Variants in FAM222A observed in about 807,000 individuals in gnomAD.
FAM222A encodes the protein protein FAM222A.
In FAM222A, 7 loss-of-function variants were observed where a neutral mutation model predicts 25.8. The ratio of observed to expected loss-of-function variants is 0.27; its 90% confidence interval spans 0.15 to 0.51. The LOEUF (loss-of-function observed/expected upper bound fraction) is 0.51, where lower values mean the gene tolerates loss of function less well. Ranked by LOEUF, FAM222A falls within the 20% of genes least tolerant of loss-of-function variation. The probability of loss-of-function intolerance (pLI) is 0.97; values close to 1 mark genes in which losing one functional copy is unlikely to be tolerated. For missense variants in FAM222A, 573 were observed against 640.5 expected (o/e 0.89, Z 1.14); for synonymous variants, 294 against 298.8 (o/e 0.98, Z 0.17).
In FAM222A at chr12:109,744,243, T is replaced by A; in HGVS notation, c.82+15T>A. 1 of 1,609,406 alleles carries A rather than the reference T, an allele frequency of 6.2e-7. No homozygotes were observed. The highest frequency in any genetic ancestry group is 1.1e-5 in the South Asian group (1 of 90,536). On this transcript the variant is annotated intron_variant, in intron 2 of 2. Coordinates refer to ENST00000538780, the MANE Select transcript of FAM222A (RefSeq NM_032829.3). ...GCTGCGCAAGTGTGAGTAGGACGCC[T>A]CCCCAGCCTTTGCAGGGCAGGTCGT... is the stretch of plus-strand genomic sequence containing the variant.
chr12:109,746,518 T>A (rs972635856), intron 2 of FAM222A, among the ~76,000 whole-genome samples: 1 of 152,128 alleles, frequency 6.6e-6, no homozygotes, highest in African/African-American at 2.4e-5. Flanking sequence ...GTATGCTCTC[T>A]ATATGACTTA....
At chr12:109,729,690 C>T (rs1011050797) in intron 1 of FAM222A, among the ~76,000 whole-genome samples, 11 of 152,380 alleles carry the variant, frequency 7.2e-5, no homozygotes, top group Non-Finnish European at 1.5e-4. Context: ...GGCTGGGAGA[C>T]GGCGCCGCCA....
chr12:109,720,519 C>T (rs1248869700), intron 1 of FAM222A, among the ~76,000 whole-genome samples: 4 of 152,340 alleles, frequency 2.6e-5, no homozygotes, highest in South Asian at 2.1e-4. Context: ...CCCTGCCCCT[C>T]GGCATCTGCA....
chr12:109,733,910 T>C (rs1424995426), intron 1 of FAM222A, among the ~76,000 whole-genome samples: 5 of 151,936 alleles, frequency 3.3e-5, no homozygotes, highest in Admixed American at 6.5e-5. Flanking sequence ...CCTTCAAGGA[T>C]ATTGTTAGAA....
At chr12:109,725,437 C>G (rs938939906) in intron 1 of FAM222A, among the ~76,000 whole-genome samples, 7 of 150,588 alleles carry the variant, frequency 4.6e-5, no homozygotes, top group Non-Finnish European at 7.4e-5. Flanking sequence ...TCTCCCTCCC[C>G]CTCCCTCCCC....
intron 1 of FAM222A, among the ~76,000 whole-genome samples, chr12:109,728,843 T>A (rs1887888071): frequency 6.6e-6 from 1 of 152,144 alleles, no homozygotes; most frequent in African/African-American, 2.4e-5. Context: ...AAGGATGGAA[T>A]CAAGTGCGGG....
intron 2 of FAM222A, among the ~76,000 whole-genome samples, chr12:109,752,215 GA>G (rs1239438424): frequency 6.6e-6 from 1 of 152,236 alleles, no homozygotes; most frequent in Non-Finnish European, 1.5e-5. Flanking sequence ...GCCAGAACAG[GA>G]GAGTGTGGAT....
At chr12:109,764,101 A>T (rs757119048) in intron 2 of FAM222A, among the ~76,000 whole-genome samples, 3 of 151,202 alleles carry the variant, frequency 2.0e-5, no homozygotes, top group Non-Finnish European at 4.4e-5. Flanking sequence ...GTAGTGGCAC[A>T]CCCTTGTAGT....
intron 2 of FAM222A, 149 bp downstream of exon 2, chr12:109,744,377 C>G: frequency 2.1e-6 from 3 of 1,418,772 alleles, no homozygotes; most frequent in Non-Finnish European, 2.8e-6. Context: ...GTGCTGCCTT[C>G]CTGGTCTCCA....
chr12:109,745,975 G>A (rs192247817), intron 2 of FAM222A, among the ~76,000 whole-genome samples: 8 of 151,898 alleles, frequency 5.3e-5, no homozygotes, highest in African/African-American at 1.7e-4. Flanking sequence ...TGTGTATGAT[G>A]GAATCAGACC....
At chr12:109,738,861 T>G (rs555348744) in intron 1 of FAM222A, among the ~76,000 whole-genome samples, 9 of 152,228 alleles carry the variant, frequency 5.9e-5, no homozygotes, top group Admixed American at 3.9e-4. Context: ...CCCATAAAGG[T>G]TCATTTGGGA....
chr12:109,753,738 C>T (rs935274833), intron 2 of FAM222A, among the ~76,000 whole-genome samples: 10 of 151,312 alleles, frequency 6.6e-5, no homozygotes, highest in African/African-American at 9.7e-5. Flanking sequence ...CTCAGGACGC[C>T]GACAGGCTGG....
intron 1 of FAM222A, among the ~76,000 whole-genome samples, chr12:109,724,737 T>C (rs1399387275): frequency 6.6e-6 from 1 of 152,170 alleles, no homozygotes; most frequent in East Asian, 1.9e-4. Context: ...GCTTCTCTGC[T>C]TGTCATCTCT....
At chr12:109,750,022 TAGG>T (rs1452049736) in intron 2 of FAM222A, among the ~76,000 whole-genome samples, 8 of 152,228 alleles carry the variant, frequency 5.3e-5, no homozygotes, top group Non-Finnish European at 8.8e-5. Flanking sequence ...TTTCTTTTAA[TAGG>T]AGAGTTTAGC....
At chr12:109,752,438 G>C (rs1367458441) in intron 2 of FAM222A, among the ~76,000 whole-genome samples, 1 of 152,172 alleles carries the variant, frequency 6.6e-6, no homozygotes, top group Non-Finnish European at 1.5e-5. Context: ...TTCCTCCCAG[G>C]CATGGTTCTT....
At position 109,768,383 on chromosome 12, in the gene FAM222A, A is replaced by G. The variant is rs1014285141; in HGVS notation, c.454A>G (p.Ser152Gly). 6.3e-7 allele frequency: 1 copy of G among 1,598,324 alleles called. No homozygotes were observed. The highest frequency in any genetic ancestry group is 8.5e-7 in the Non-Finnish European group (1 of 1,177,384). Residue 152 changes from serine (S) to glycine (G), a missense_variant, in exon 3 of 3, where the codon AGC (serine) becomes GGC (glycine). By Grantham distance (56) the Ser-to-Gly change is moderately conservative. Coordinates refer to ENST00000538780, the MANE Select transcript of FAM222A (RefSeq NM_032829.3). ...QVGIAPYPVP[S>G]TLGPLAYPKP... ...GGGCATTGCGCCCTACCCAGTGCCC[A>G]GCACTCTGGGTCCCTTGGCCTACCC...
At chr12:109,726,161 A>G (rs1020868113) in intron 1 of FAM222A, among the ~76,000 whole-genome samples, 53 of 150,404 alleles carry the variant, frequency 3.5e-4, no homozygotes, top group African/African-American at 1.2e-3. Flanking sequence ...ACCTTCAAGT[A>G]GAAAAGGGAT....
chr12:109,724,571 G>A (rs971425732), intron 1 of FAM222A, among the ~76,000 whole-genome samples: 1 of 152,146 alleles, frequency 6.6e-6, no homozygotes, highest in Non-Finnish European at 1.5e-5. Flanking sequence ...CTTCCCCCGG[G>A]GCCTGCGTGA....
At chr12:109,755,453 C>T (rs1017878543) in intron 2 of FAM222A, among the ~76,000 whole-genome samples, 7 of 151,926 alleles carry the variant, frequency 4.6e-5, no homozygotes, top group Admixed American at 2.6e-4. Flanking sequence ...CTCAGCCTCC[C>T]GAGTAGCTGG....
Sources: allele counts gnomAD v4.1 joint callset (sites outside exome capture counted in the v4.1 genomes callset), GRCh38; gene constraint gnomAD v4.1.1; transcripts MANE v1.5; gene names NCBI Gene and HGNC (gene_info 2026-07-23, HGNC 2026-07-21).